Variants in BTBD16 observed in about 807,000 individuals in gnomAD.
The protein encoded by BTBD16 is BTB domain containing 16.
A neutral mutation model predicts 67.4 loss-of-function variants in BTBD16; 66 were observed. That is an observed-to-expected ratio of 0.98 (90% confidence interval 0.80 to 1.20). The LOEUF is 1.20. Among genes scored for constraint, BTBD16 ranks in the 50% most tolerant of loss-of-function variants. The probability of loss-of-function intolerance (pLI) is 0.00; values close to 1 mark genes in which losing one functional copy is unlikely to be tolerated. For synonymous variants in BTBD16, 242 were observed against 236.4 expected, an observed-to-expected ratio of 1.02 and a Z score of -0.22; for missense variants, 634 against 616.0, an observed-to-expected ratio of 1.03 and a Z score of -0.31.
chr10:122,297,684 G>C, intron 7 of BTBD16, 84 bp from the exon 8 acceptor site: 2 of 1,454,176 alleles, frequency 1.4e-6, no homozygotes, highest in Non-Finnish European at 1.9e-6. Flanking sequence ...TGCTGTCCTG[G>C]AGTTGAATGA....
intron 10 of BTBD16, among the ~76,000 whole-genome samples, chr10:122,327,055 C>T (rs1265315378): frequency 2.6e-5 from 4 of 152,124 alleles, no homozygotes; most frequent in African/African-American, 4.8e-5. Context: ...AGTTAAGTGG[C>T]GCCAAGTAAA....
At chr10:122,310,763 T>G (rs148950871) in intron 10 of BTBD16, among the ~76,000 whole-genome samples, 39 of 152,318 alleles carry the variant, frequency 2.6e-4, no homozygotes, top group African/African-American at 9.1e-4. Flanking sequence ...GAGGGGGACA[T>G]GTTGAGGCCG....
chr10:122,285,418 A>G (rs756160261), intron 4 of BTBD16, among the ~76,000 whole-genome samples: 6 of 152,106 alleles, frequency 3.9e-5, no homozygotes, highest in Non-Finnish European at 8.8e-5. Context: ...AGCCTTCTTT[A>G]TATTGTCAAA....
At position 122,331,171 on chromosome 10, in the gene BTBD16, C is replaced by T. The variant is rs2096454453; in HGVS notation, c.1004-5C>T. On this transcript the variant is annotated splice_polypyrimidine_tract_variant and splice_region_variant and intron_variant, in intron 11 of 15. Coordinates refer to ENST00000260723, the MANE Select transcript of BTBD16 (RefSeq NM_144587.5). Reference sequence around the variant, plus strand: ...AAAAAACATTCTCTTTGCGTTTCTTCCCAGGCAAGGATCTGGAGGTGCTGC... The same window carrying T: ...AAAAAACATTCTCTTTGCGTTTCTTTCCAGGCAAGGATCTGGAGGTGCTGC... The T allele has an allele frequency of 1.2e-6, 2 of 1,609,374 alleles. No homozygotes were observed. The highest frequency in any genetic ancestry group is 1.7e-6 in the Non-Finnish European group (2 of 1,178,702).
At chr10:122,302,475 G>A (rs528517900) in intron 9 of BTBD16, among the ~76,000 whole-genome samples, 1 of 152,184 alleles carries the variant, frequency 6.6e-6, no homozygotes, top group South Asian at 2.1e-4. Flanking sequence ...ACTACCTTGC[G>A]ACCAGGGGCA....
intron 9 of BTBD16, 126 bp downstream of exon 9, chr10:122,299,260 G>T: frequency 8.3e-7 from 1 of 1,203,668 alleles, no homozygotes. Flanking sequence ...CTCCTGGACA[G>T]CTGAGCCTTG....
intron 9 of BTBD16, among the ~76,000 whole-genome samples, chr10:122,306,828 A>T (rs1018980631): frequency 2.0e-5 from 3 of 152,234 alleles, no homozygotes; most frequent in African/African-American, 4.8e-5. Flanking sequence ...AAAAGTAAGG[A>T]CTATATCCTA....
intron 6 of BTBD16, among the ~76,000 whole-genome samples, chr10:122,290,371 G>A (rs1430242008): frequency 3.9e-5 from 6 of 152,146 alleles, no homozygotes; most frequent in South Asian, 2.1e-4. Flanking sequence ...ACACTTTACC[G>A]GCCTCTTCCT....
At chr10:122,278,511 G>A (rs1035263092) in intron 3 of BTBD16, among the ~76,000 whole-genome samples, 1 of 152,210 alleles carries the variant, frequency 6.6e-6, no homozygotes, top group African/African-American at 2.4e-5. Context: ...TTAGTAAACA[G>A]AACTATTTTC....
intron 15 of BTBD16, among the ~76,000 whole-genome samples, chr10:122,337,631 A>AT (rs2096465328): frequency 6.6e-6 from 1 of 151,990 alleles, no homozygotes; most frequent in African/African-American, 2.4e-5. Flanking sequence ...CACCCGGCTA[A>AT]TTTTTTGTGT....
Position 122,299,128 on chromosome 10 carries a change from C to A in BTBD16, c.785C>A (p.Ser262Tyr). 6.2e-7 allele frequency: 1 copy of A among 1,613,562 alleles called. No homozygotes were observed. Among genetic ancestry groups the A allele is most frequent in the Non-Finnish European group, 8.5e-7 (1 of 1,179,856 alleles). The change falls in exon 9 of 16, where the codon TCC becomes TAC. Residue 262 changes from serine to tyrosine, a missense_variant. Coordinates refer to ENST00000260723, the MANE Select transcript of BTBD16 (RefSeq NM_144587.5). ...PQDLLHKVLK[S>Y]PRLFTFSEFH... Reference sequence around the variant, plus strand: ...GACCTGCTCCACAAAGTGCTGAAGTCCCCCAGGTCAGAGCTGGCTCCCAGG... The same window carrying A: ...GACCTGCTCCACAAAGTGCTGAAGTACCCCAGGTCAGAGCTGGCTCCCAGG...
intron 1 of BTBD16, among the ~76,000 whole-genome samples, chr10:122,273,347 A>T (rs1274637530): frequency 6.6e-6 from 1 of 151,912 alleles, no homozygotes; most frequent in Admixed American, 6.6e-5. Flanking sequence ...GTGTATGCAT[A>T]TTGTTCCCAT....
At chr10:122,288,639 G>A (rs1291804938) in intron 5 of BTBD16, among the ~76,000 whole-genome samples, 21 of 152,152 alleles carry the variant, frequency 1.4e-4, no homozygotes, top group Admixed American at 1.2e-3. Flanking sequence ...GCTGCTTGGG[G>A]GAAAAGCACA....
intron 6 of BTBD16, 100 bp downstream of exon 6, chr10:122,290,098 G>A (rs1377383121): frequency 1.3e-6 from 1 of 787,966 alleles, no homozygotes; most frequent in East Asian, 2.6e-5. Flanking sequence ...CAAACCAACA[G>A]TAGACAGTGT....
chr10:122,299,254 T>C, intron 9 of BTBD16, 120 bp downstream of exon 9: 1 of 1,248,654 alleles, frequency 8.0e-7, no homozygotes, highest in Non-Finnish European at 1.1e-6. Context: ...CCTGCCCTCC[T>C]GGACAGCTGA....
At chr10:122,289,887 A>G (rs759561523) in intron 5 of BTBD16, 22 bp from the exon 6 acceptor site, 3 of 1,596,490 alleles carry the variant, frequency 1.9e-6, no homozygotes, top group Non-Finnish European at 1.7e-6. Flanking sequence ...TCCTGCCATC[A>G]TCATCTCATT....
chr10:122,325,201 C>T (rs939622112), intron 10 of BTBD16, among the ~76,000 whole-genome samples: 1 of 152,190 alleles, frequency 6.6e-6, no homozygotes, highest in Non-Finnish European at 1.5e-5. Flanking sequence ...GGAAATGAGG[C>T]TGGAAAGTTG....
At chr10:122,306,412 C>T (rs572340695) in intron 9 of BTBD16, among the ~76,000 whole-genome samples, 4 of 152,256 alleles carry the variant, frequency 2.6e-5, no homozygotes, top group Non-Finnish European at 5.9e-5. Context: ...CATCCACTCA[C>T]CTCATCCACT....
chr10:122,308,232 TGAG>T (rs2096407149), intron 10 of BTBD16, among the ~76,000 whole-genome samples: 1 of 152,090 alleles, frequency 6.6e-6, no homozygotes, highest in Non-Finnish European at 1.5e-5. Context: ...AAGAAGCAAG[TGAG>T]GAGAAGGGAG....
Sources: allele counts gnomAD v4.1 joint callset (sites outside exome capture counted in the v4.1 genomes callset), GRCh38; gene constraint gnomAD v4.1.1; transcripts MANE v1.5; gene names NCBI Gene and HGNC (gene_info 2026-07-23, HGNC 2026-07-21).